Variants in CCDC7 observed in about 807,000 individuals in gnomAD.
CCDC7 encodes the protein coiled-coil domain containing 7, also known as coiled-coil domain-containing protein 7.
In CCDC7, 183 loss-of-function variants were observed where a neutral mutation model predicts 196.9. The ratio of observed to expected loss-of-function variants is 0.93; its 90% CI spans 0.82 to 1.05. CCDC7 has a LOEUF of 1.05. Among genes scored for constraint, CCDC7 ranks in the 50% least tolerant of loss-of-function variants. The pLI is 0.00. For synonymous variants in CCDC7, 525 were observed against 484.6 expected (o/e 1.08, Z -1.10); for missense variants, 1,540 against 1,482.2 (o/e 1.04, Z -0.64).
intron 28 of CCDC7, among the ~76,000 whole-genome samples, chr10:32,730,258 T>C (rs2083735415): frequency 1.3e-5 from 2 of 152,178 alleles, no homozygotes; most frequent in South Asian, 4.1e-4. Context: ...GTTTGGTATA[T>C]GCTCATATTC....
intron 20 of CCDC7, among the ~76,000 whole-genome samples, chr10:32,645,088 T>C (rs2067518097): frequency 6.6e-6 from 1 of 152,092 alleles, no homozygotes; most frequent in Admixed American, 6.5e-5. Flanking sequence ...CCAACAAATA[T>C]ATGAAAAAAT....
At chr10:32,801,674 A>G (rs1443472734) in intron 29 of CCDC7, among the ~76,000 whole-genome samples, 1 of 152,220 alleles carries the variant, frequency 6.6e-6, no homozygotes, top group Admixed American at 6.5e-5. Flanking sequence ...TTATAGGTCT[A>G]GAAGCAAACA....
intron 25 of CCDC7, among the ~76,000 whole-genome samples, chr10:32,723,218 A>G (rs368186468): frequency 4.6e-5 from 7 of 152,200 alleles, no homozygotes; most frequent in East Asian, 1.9e-4. Flanking sequence ...GCTTGCCCAG[A>G]TGGTCCTGGA....
chr10:32,791,390 G>GA, intron 29 of CCDC7, among the ~76,000 whole-genome samples: 2 of 151,998 alleles, frequency 1.3e-5, no homozygotes, highest in South Asian at 4.2e-4. Context: ...CAAAGAAACA[G>GA]AAATTTCCTG....
chr10:32,483,210 A>G (rs552864789), intron 8 of CCDC7, among the ~76,000 whole-genome samples: 2 of 152,284 alleles, frequency 1.3e-5, no homozygotes, highest in South Asian at 2.1e-4. Flanking sequence ...GTGAGATGGT[A>G]TGTCATTGTG....
chr10:32,767,394 A>G (rs1418119687), intron 28 of CCDC7, among the ~76,000 whole-genome samples: 2 of 152,152 alleles, frequency 1.3e-5, no homozygotes, highest in African/African-American at 2.4e-5. Context: ...AAGTGGTATA[A>G]AATGTGTTTT....
chr10:32,702,820 C>G (rs896153153), intron 24 of CCDC7, among the ~76,000 whole-genome samples: 1 of 151,984 alleles, frequency 6.6e-6, no homozygotes, highest in Non-Finnish European at 1.5e-5. Context: ...CTGTTTTATC[C>G]AAGACTAGGA....
intron 13 of CCDC7, among the ~76,000 whole-genome samples, chr10:32,565,356 T>C (rs1410888219): frequency 2.0e-5 from 3 of 152,216 alleles, no homozygotes; most frequent in African/African-American, 7.2e-5. Flanking sequence ...CCCCGATTCA[T>C]GCTCAATTTG....
At chr10:32,643,348 G>T (rs746794095) in intron 20 of CCDC7, among the ~76,000 whole-genome samples, 1 of 152,038 alleles carries the variant, frequency 6.6e-6, no homozygotes, top group African/African-American at 2.4e-5. Context: ...TATGTGTGGT[G>T]TATCTCTTTT....
chr10:32,866,666 G>A (rs1302343910), intron 41 of CCDC7, among the ~76,000 whole-genome samples: 2 of 151,194 alleles, frequency 1.3e-5, no homozygotes, highest in African/African-American at 2.4e-5. Context: ...AGGAAGCAGA[G>A]GGAGGAAAAA....
intron 24 of CCDC7, among the ~76,000 whole-genome samples, chr10:32,706,460 A>G (rs1029069199): frequency 6.6e-6 from 1 of 152,246 alleles, no homozygotes; most frequent in South Asian, 2.1e-4. Flanking sequence ...ACCAGGAAAT[A>G]ACTAAGATCA....
At chr10:32,683,705 A>G (rs1415198636) in intron 21 of CCDC7, among the ~76,000 whole-genome samples, 2 of 152,138 alleles carry the variant, frequency 1.3e-5, no homozygotes, top group Non-Finnish European at 2.9e-5. Flanking sequence ...GCTGGTGAGT[A>G]CTGCTGCAGC....
At chr10:32,589,909 C>CT (rs1247310756) in intron 18 of CCDC7, among the ~76,000 whole-genome samples, 1 of 151,888 alleles carries the variant, frequency 6.6e-6, no homozygotes, top group Admixed American at 6.6e-5. Flanking sequence ...ATGGAATATG[C>CT]TTTTTTTCAT....
chr10:32,510,690 A>C, intron 9 of CCDC7, among the ~76,000 whole-genome samples: 1 of 152,166 alleles, frequency 6.6e-6, no homozygotes, highest in Non-Finnish European at 1.5e-5. Context: ...ATCCATCAAC[A>C]TACAACCTTA....
Position 32,830,121 on chromosome 10 carries a change from G to GATATATATATACATATATATAT in CCDC7, c.3269-4683_3269-4682insCATATATATATATATATATATA, listed in dbSNP as rs373724864. 8.4e-3 allele frequency among the ~76,000 whole-genome samples: 423 copies of GATATATATATACATATATATAT among 50,652 alleles called. 44 individuals are homozygous for GATATATATATACATATATATAT. Among genetic ancestry groups the GATATATATATACATATATATAT allele is most frequent in the African/African-American group, 0.017 (378 of 22,146 alleles). 33.2% of individuals were successfully genotyped at this position (50,652 alleles called of 152,430 possible). ...TCCTATTAGTTCTTATATATATAAG[G>GATATATATATACATATATATAT]ATATATATATATATATATATCCTAT... On this transcript the variant is annotated intron_variant, in intron 32 of 41. Coordinates refer to ENST00000639629, the Ensembl canonical transcript of CCDC7.
chr10:32,478,461 C>G (rs2039399459), intron 8 of CCDC7, among the ~76,000 whole-genome samples: 1 of 152,056 alleles, frequency 6.6e-6, no homozygotes, highest in Non-Finnish European at 1.5e-5. Context: ...TTTTCTTTAT[C>G]AAACTGAGGA....
At chr10:32,637,545 T>C (rs896973934) in intron 20 of CCDC7, among the ~76,000 whole-genome samples, 6 of 152,292 alleles carry the variant, frequency 3.9e-5, no homozygotes, top group East Asian at 1.9e-4. Flanking sequence ...GTTGTAGATA[T>C]GCGGCATTAT....
Position 32,510,158 on chromosome 10 carries a change from T to G in CCDC7, c.873-7787T>G, listed in dbSNP as rs115887799. ...TGGATGAATGGATATAATGTGCCTA[T>G]GCATACAACAGAATATTATTCACCC... On this transcript the variant is annotated intron_variant, in intron 9 of 41. Coordinates refer to ENST00000639629, the Ensembl canonical transcript of CCDC7. Among the ~76,000 whole-genome samples, 1,304 of 152,278 alleles carry G rather than the reference T, an allele frequency of 8.6e-3. 28 individuals are homozygous for G. The highest frequency in any genetic ancestry group is 0.029 in the African/African-American group (1,203 of 41,562).
intron 9 of CCDC7, among the ~76,000 whole-genome samples, chr10:32,506,422 C>A (rs898542826): frequency 4.6e-5 from 7 of 152,214 alleles, no homozygotes; most frequent in African/African-American, 1.7e-4. Flanking sequence ...GGCAGCCAGG[C>A]AGAGACGCTG....
Sources: gnomAD v4.1 joint callset for allele counts (sites outside exome capture counted in the v4.1 genomes callset) on GRCh38, gnomAD v4.1.1 for gene constraint, MANE v1.5 for transcripts, NCBI Gene and HGNC (gene_info 2026-07-23, HGNC 2026-07-21) for gene names.